Variants in CTNND2 observed in about 807,000 individuals in gnomAD.
CTNND2 encodes catenin delta 2.
CTNND2 carries 22 observed loss-of-function variants against 144.4 expected under a neutral mutation model. The ratio of observed to expected loss-of-function variants is 0.15; its 90% CI spans 0.11 to 0.22. The LOEUF is 0.22. Among genes scored for constraint, CTNND2 ranks in the 10% least tolerant of loss-of-function variants. The pLI, the probability that CTNND2 is intolerant of heterozygous loss-of-function variation, is 1.00. For synonymous variants in CTNND2, 751 were observed against 695.6 expected (o/e 1.08, Z -1.25); for missense variants, 1,353 against 1,618.8 (o/e 0.84, Z 2.82).
chr5:11,600,597 T>C (rs947884272), intron 2 of CTNND2, among the ~76,000 whole-genome samples: 1 of 151,086 alleles, frequency 6.6e-6, no homozygotes, highest in African/African-American at 2.4e-5. Flanking sequence ...TCCCAGCTAC[T>C]TGGGAGGCTG....
intron 2 of CTNND2, among the ~76,000 whole-genome samples, chr5:11,721,974 G>A (rs998009101): frequency 1.3e-5 from 2 of 152,166 alleles, no homozygotes; most frequent in Non-Finnish European, 2.9e-5. Flanking sequence ...CTAGCACTCT[G>A]AAACAAGACA....
At chr5:11,235,238 G>A (rs1490082587) in intron 10 of CTNND2, among the ~76,000 whole-genome samples, 1 of 152,102 alleles carries the variant, frequency 6.6e-6, no homozygotes, top group Non-Finnish European at 1.5e-5. Context: ...CTTCAAAAAA[G>A]AAGACTGAAA....
intron 10 of CTNND2, among the ~76,000 whole-genome samples, chr5:11,207,658 G>T (rs1023538957): frequency 3.3e-5 from 5 of 152,140 alleles, no homozygotes; most frequent in African/African-American, 1.2e-4. Flanking sequence ...GCCTGGATTA[G>T]ATTTCCTTGC....
At chr5:11,098,465 AT>A (rs1235712839) in intron 15 of CTNND2, 109 bp downstream of exon 15, 8 of 992,796 alleles carry the variant, frequency 8.1e-6, no homozygotes, top group Non-Finnish European at 1.2e-5. Flanking sequence ...TTTCTCTAAC[AT>A]CCTAGAAATC....
chr5:11,729,917 G>T (rs905376500), intron 2 of CTNND2, among the ~76,000 whole-genome samples: 1 of 152,052 alleles, frequency 6.6e-6, no homozygotes, highest in Non-Finnish European at 1.5e-5. Context: ...ACTTAAAATT[G>T]TATGTCCCCA....
intron 2 of CTNND2, among the ~76,000 whole-genome samples, chr5:11,631,541 T>C (rs1192239323): frequency 1.3e-5 from 2 of 152,008 alleles, no homozygotes; most frequent in Admixed American, 6.6e-5. Context: ...CTACTTTGAG[T>C]GGTTGGTTCA....
At chr5:11,845,421 C>T (rs1008679039) in intron 1 of CTNND2, among the ~76,000 whole-genome samples, 8 of 152,144 alleles carry the variant, frequency 5.3e-5, no homozygotes, top group Non-Finnish European at 7.3e-5. Flanking sequence ...ACAGAGGCAT[C>T]GCAGATGTGA....
chr5:11,586,283 T>C (rs1778858024), intron 2 of CTNND2, among the ~76,000 whole-genome samples: 1 of 152,210 alleles, frequency 6.6e-6, no homozygotes, highest in Non-Finnish European at 1.5e-5. Context: ...GCAATTACTT[T>C]ACTACATCCC....
chr5:11,378,722 C>T (rs1015668829), intron 7 of CTNND2, among the ~76,000 whole-genome samples: 1 of 152,184 alleles, frequency 6.6e-6, no homozygotes, highest in Non-Finnish European at 1.5e-5. Context: ...CCCCAGTAGA[C>T]TTCACATTTC....
At chr5:11,563,093 C>T (rs904613176) in intron 3 of CTNND2, among the ~76,000 whole-genome samples, 8 of 152,208 alleles carry the variant, frequency 5.3e-5, no homozygotes, top group East Asian at 3.8e-4. Flanking sequence ...CCCATATACT[C>T]ACAGTCTGGT....
chr5:11,402,232 CA>C (rs1355484783), intron 5 of CTNND2, among the ~76,000 whole-genome samples: 22 of 152,200 alleles, frequency 1.4e-4, no homozygotes, highest in African/African-American at 5.1e-4. Flanking sequence ...TTCTTTTTTC[CA>C]TCAACCTCAA....
chr5:11,792,784 A>G lies in CTNND2; in HGVS notation c.38-60512T>C, dbSNP rs375643875. On this transcript the variant is annotated intron_variant, in intron 1 of 21. Transcript: ENST00000304623. ...CTTAAAAGAAAAATATTCTAGCAGCACACAATGCTTCTATTCTGCTTCCAT... is the reference window on the plus strand; with the variant it reads ...CTTAAAAGAAAAATATTCTAGCAGCGCACAATGCTTCTATTCTGCTTCCAT... 4.4e-4 allele frequency among the ~76,000 whole-genome samples: 67 copies of G among 152,122 alleles called. 1 individual carries two copies. In the East Asian group the frequency reaches 9.1e-3, roughly 21 times the overall value.
At chr5:11,604,023 C>T (rs937424517) in intron 2 of CTNND2, among the ~76,000 whole-genome samples, 10 of 152,212 alleles carry the variant, frequency 6.6e-5, no homozygotes, top group South Asian at 2.1e-4. Flanking sequence ...AATTAATAAG[C>T]GTATAATATT....
intron 9 of CTNND2, among the ~76,000 whole-genome samples, chr5:11,254,926 C>T (rs1353201263): frequency 2.0e-5 from 3 of 152,174 alleles, no homozygotes; most frequent in Non-Finnish European, 2.9e-5. Flanking sequence ...GGTCAAAACA[C>T]TGTCAGTTCA....
chr5:11,330,586 C>T (rs1345237693), intron 9 of CTNND2, among the ~76,000 whole-genome samples: 3 of 147,198 alleles, frequency 2.0e-5, no homozygotes, highest in South Asian at 2.2e-4. Flanking sequence ...TGCAGAAGGG[C>T]GAGGCGGGTG....
chr5:11,457,601 C>G (rs1765846243), intron 3 of CTNND2, among the ~76,000 whole-genome samples: 1 of 152,114 alleles, frequency 6.6e-6, no homozygotes, highest in Non-Finnish European at 1.5e-5. Flanking sequence ...AATCTGTATA[C>G]TCCTTGATTC....
At chr5:11,511,303 T>G (rs756895392) in intron 3 of CTNND2, among the ~76,000 whole-genome samples, 2 of 152,192 alleles carry the variant, frequency 1.3e-5, no homozygotes, top group Non-Finnish European at 2.9e-5. Context: ...AACATCAAAA[T>G]CAAAGTTTTA....
At chr5:11,496,005 C>T (rs1330667132) in intron 3 of CTNND2, among the ~76,000 whole-genome samples, 1 of 152,158 alleles carries the variant, frequency 6.6e-6, no homozygotes, top group South Asian at 2.1e-4. Context: ...CCTTTCCTCA[C>T]CCCATGCTGT....
At chr5:11,794,070 G>A (rs901027967) in intron 1 of CTNND2, among the ~76,000 whole-genome samples, 12 of 152,320 alleles carry the variant, frequency 7.9e-5, no homozygotes, top group East Asian at 3.9e-4. Flanking sequence ...CCCACTGCAT[G>A]TCAGTGTACC....
Sources: allele counts gnomAD v4.1 joint callset (sites outside exome capture counted in the v4.1 genomes callset), GRCh38; gene constraint gnomAD v4.1.1; transcripts MANE v1.5; gene names NCBI Gene and HGNC (gene_info 2026-07-23, HGNC 2026-07-21).